The following INO80 variants were observed in gnomAD, a reference collection of about 807,000 sequenced individuals.
INO80 encodes the protein chromatin-remodeling ATPase INO80.
Under a neutral mutation model 203.4 loss-of-function variants are expected in INO80, and 20 were observed. The observed-to-expected ratio is 0.10, with a 90% confidence interval of 0.07 to 0.14. INO80 has a LOEUF of 0.14. Ranked by LOEUF, INO80 falls within the 10% of genes least tolerant of loss-of-function variation. The probability of loss-of-function intolerance (pLI) is 1.00; values close to 1 mark genes in which losing one functional copy is unlikely to be tolerated. For synonymous variants in INO80, 726 were observed against 685.2 expected (o/e 1.06, Z -0.93); for missense variants, 1,419 against 1,914.4 (o/e 0.74, Z 4.83).
intron 15 of INO80, among the ~76,000 whole-genome samples, chr15:41,059,096 C>A (rs1230811639): frequency 6.6e-6 from 1 of 152,028 alleles, no homozygotes; most frequent in Non-Finnish European, 1.5e-5. Flanking sequence ...GGACTACAGG[C>A]ATATACCACC....
chr15:41,082,250 C>CAA lies in INO80; in HGVS notation c.874-1179_874-1178dup, dbSNP rs60486605. On this transcript the variant is annotated intron_variant, in intron 7 of 35. Transcript: ENST00000648947. ...GGGTGACAAGAGCAAAACTCCGTCT[C>CAA]AAAAAAAAAAAAAAAAAAAAAGTCA... Among the ~76,000 whole-genome samples the CAA allele has an allele frequency of 6.2e-3, 336 of 54,620 alleles. 6 individuals carry two copies. The highest frequency in any genetic ancestry group is 0.016 in the African/African-American group (279 of 17,506). 35.8% of individuals were successfully genotyped at this position (54,620 alleles called of 152,430 possible). A position where few individuals can be genotyped will look rare whatever the true frequency, so the allele number is the denominator to read the frequency against.
chr15:41,115,288 G>T (rs1003859440), intron 1 of INO80, among the ~76,000 whole-genome samples: 1 of 152,170 alleles, frequency 6.6e-6, no homozygotes, highest in Non-Finnish European at 1.5e-5. Flanking sequence ...CTAAACTGTA[G>T]GGGGCTTCTA....
intron 29 of INO80, among the ~76,000 whole-genome samples, chr15:40,991,344 A>C (rs1433958198): frequency 6.6e-6 from 1 of 152,190 alleles, no homozygotes; most frequent in Non-Finnish European, 1.5e-5. Flanking sequence ...GGTTAAGAAC[A>C]AGAGTGAGAG....
At chr15:41,079,576 A>T in intron 9 of INO80, 125 bp downstream of exon 9, 1 of 575,194 alleles carries the variant, frequency 1.7e-6, no homozygotes, top group Non-Finnish European at 2.6e-6. Flanking sequence ...ATCTCTACCA[A>T]AAAAAAAAAA....
chr15:41,019,073 T>C (rs2044251062), intron 26 of INO80, among the ~76,000 whole-genome samples: 2 of 152,316 alleles, frequency 1.3e-5, no homozygotes, highest in South Asian at 4.1e-4. Context: ...GAATGTAGCC[T>C]ATGGCAGTAA....
chr15:41,051,104 G>A (rs981998674), intron 19 of INO80, among the ~76,000 whole-genome samples: 1 of 126,958 alleles, frequency 7.9e-6, no homozygotes, highest in African/African-American at 3.4e-5. Context: ...ACTCCAGCCT[G>A]GGTGACAGAA....
At chr15:41,066,255 G>C (rs2045211543) in intron 14 of INO80, among the ~76,000 whole-genome samples, 1 of 152,080 alleles carries the variant, frequency 6.6e-6, no homozygotes, top group Non-Finnish European at 1.5e-5. Flanking sequence ...TGGGATTACA[G>C]GCGTGAGCCA....
At chr15:41,090,583 G>T (rs1474903357) in intron 5 of INO80, among the ~76,000 whole-genome samples, 1 of 151,928 alleles carries the variant, frequency 6.6e-6, no homozygotes, top group African/African-American at 2.4e-5. Context: ...CCAAAAAAAA[G>T]AAAAAAGGAA....
intron 27 of INO80, among the ~76,000 whole-genome samples, chr15:41,012,560 T>TAAAAAAAAAAA (rs1203728859): frequency 3.9e-4 from 2 of 5,176 alleles, no homozygotes; most frequent in African/African-American, 1.3e-3. Context: ...GAGACTCTTT[T>TAAAAAAAAAAA]TAAAAAAAAA....
At chr15:41,043,685 A>G (rs1440976969) in intron 24 of INO80, among the ~76,000 whole-genome samples, 1 of 152,228 alleles carries the variant, frequency 6.6e-6, no homozygotes, top group African/African-American at 2.4e-5. Flanking sequence ...CCTAGTTTCT[A>G]AACTTCAATC....
Position 41,069,678 on chromosome 15 carries a change from A to C in INO80, c.1687-13T>G. ...AAATGTTCTCTCTCTGCAACAGAAA[A>C]ACCCAGTCAGCCAACTACAGGAAAA... On this transcript the variant is annotated splice_polypyrimidine_tract_variant and intron_variant, in intron 13 of 35. Transcript: ENST00000648947. 2 of 1,530,698 alleles carry C rather than the reference A, an allele frequency of 1.3e-6. No homozygotes were observed. The highest frequency in any genetic ancestry group is 4.5e-5 in the East Asian group (2 of 44,264). 94.8% of individuals were successfully genotyped at this position (1,530,698 alleles called of 1,614,324 possible).
chr15:41,063,308 G>A (rs1596303761), intron 14 of INO80, among the ~76,000 whole-genome samples: 1 of 152,216 alleles, frequency 6.6e-6, no homozygotes, highest in African/African-American at 2.4e-5. Flanking sequence ...CTGCACTCCA[G>A]CCTGGGCCAC....
chr15:41,074,941 C>T (rs2045380548), intron 9 of INO80, among the ~76,000 whole-genome samples: 1 of 152,144 alleles, frequency 6.6e-6, no homozygotes, highest in African/African-American at 2.4e-5. Flanking sequence ...GACAGGGTTT[C>T]ACCATGTTGG....
At chr15:41,105,553 C>G (rs2045868862) in intron 1 of INO80, among the ~76,000 whole-genome samples, 1 of 152,172 alleles carries the variant, frequency 6.6e-6, no homozygotes, top group African/African-American at 2.4e-5. Context: ...AGTGTGACTT[C>G]AAAGCCCCAC....
intron 19 of INO80, among the ~76,000 whole-genome samples, chr15:41,052,903 C>T (rs1226285046): frequency 1.3e-5 from 2 of 150,010 alleles, no homozygotes; most frequent in African/African-American, 4.9e-5. Flanking sequence ...TGTTGTGGCA[C>T]ACACCTGTAG....
chr15:41,111,925 T>C (rs577634693), intron 1 of INO80, among the ~76,000 whole-genome samples: 18 of 152,104 alleles, frequency 1.2e-4, no homozygotes, highest in Admixed American at 4.6e-4. Context: ...AACCTTGCTC[T>C]GGAGGGAATA....
In INO80 at chr15:41,096,224, G is replaced by C; in HGVS notation, c.87C>G (p.Leu29=). The C allele has an allele frequency of 6.2e-7, 1 of 1,613,356 alleles. No individual in the cohort carries two copies. Among genetic ancestry groups the C allele is most frequent in the East Asian group, 2.2e-5 (1 of 44,868 alleles). Residue 29 remains leucine, a synonymous_variant, in exon 2 of 36, where the codon CTC becomes CTG. Transcript: ENST00000648947. ...TTTGTCGCAGAAAATGGTCCAACCG[G>C]AGGGCCCTCTCCAAGTACTGAAGAT... ...PLYLQYLERA[L]RLDHFLRQTS...
intron 24 of INO80, among the ~76,000 whole-genome samples, chr15:41,032,975 T>C (rs757658373): frequency 3.3e-5 from 5 of 151,742 alleles, no homozygotes; most frequent in East Asian, 1.9e-4. Context: ...GAGGCGGAGG[T>C]TGCAGTGAGC....
At position 40,979,923 on chromosome 15, in the gene INO80, G is replaced by A. The variant is rs1379030769; in HGVS notation, c.*300C>T. 8 of 418,314 alleles carry A rather than the reference G, an allele frequency of 1.9e-5. No homozygotes were observed. The Admixed American group carries it at 3.0e-4, about 16-fold the overall frequency. The allele number at this position is 418,314 out of a possible 1,614,324, so 25.9% of individuals were successfully genotyped here. On this transcript the variant is annotated 3_prime_UTR_variant, in exon 36 of 36. Transcript: ENST00000648947. ...GAAACAGTATGCCTGAGCATCTAAA[G>A]GGGGTCTGTGTCAGGCTTGCCCCGT...
Sources: gnomAD v4.1 joint callset for allele counts (sites outside exome capture counted in the v4.1 genomes callset) on GRCh38, gnomAD v4.1.1 for gene constraint, MANE v1.5 for transcripts, NCBI Gene and HGNC (gene_info 2026-07-23, HGNC 2026-07-21) for gene names.